Variants in RPTOR observed in about 807,000 individuals in gnomAD.
RPTOR encodes the protein regulatory-associated protein of mTOR.
RPTOR carries 21 observed loss-of-function variants against 169.9 expected under a neutral mutation model. That is an observed-to-expected ratio of 0.12 (90% confidence interval 0.09 to 0.18). RPTOR has a LOEUF of 0.18. Ranked by LOEUF, RPTOR falls within the 10% of genes least tolerant of loss-of-function variation. The probability of loss-of-function intolerance (pLI) is 1.00; values close to 1 mark genes in which losing one functional copy is unlikely to be tolerated. For synonymous variants in RPTOR, 732 were observed against 753.2 expected, an observed-to-expected ratio of 0.97 and a Z score of 0.46; for missense variants, 1,133 against 1,855.9, an observed-to-expected ratio of 0.61 and a Z score of 7.16.
At chr17:80,783,257 T>G (rs1246211427) in intron 6 of RPTOR, among the ~76,000 whole-genome samples, 7 of 152,178 alleles carry the variant, frequency 4.6e-5, no homozygotes, top group African/African-American at 1.7e-4. Context: ...GACACTCTCT[T>G]CCCCCTCTCT....
chr17:80,736,683 G>T (rs2066436430), intron 5 of RPTOR, among the ~76,000 whole-genome samples: 1 of 152,162 alleles, frequency 6.6e-6, no homozygotes, highest in Non-Finnish European at 1.5e-5. Flanking sequence ...TGCTTGGCTG[G>T]CATGGAATTC....
chr17:80,570,115 T>C (rs967397375), intron 1 of RPTOR, among the ~76,000 whole-genome samples: 3 of 152,212 alleles, frequency 2.0e-5, no homozygotes, highest in Middle Eastern at 3.4e-3. Context: ...CTCTCTCTCC[T>C]CAGCTCAGTG....
At position 80,823,396 on chromosome 17, in the gene RPTOR, G is replaced by A; in HGVS notation, c.1136+173G>A. On this transcript the variant is annotated intron_variant, in intron 9 of 33. Transcript: ENST00000306801. This position sits in a 1 kb window ranked among gnomAD's most constrained non-coding sequence, Gnocchi z 4.5. ...CTCCCAGAGATCTCCACACAGAGGA[G>A]TGGGGGTCTCCTTCAGAGGGCAGAA... 1 of 796,588 alleles carries A rather than the reference G, an allele frequency of 1.3e-6. No homozygotes were observed. Among genetic ancestry groups the A allele is most frequent in the Non-Finnish European group, 1.9e-6 (1 of 527,306 alleles). The allele number at this position is 796,588 out of a possible 1,614,324, so 49.3% of individuals were successfully genotyped here. A position where few individuals can be genotyped will look rare whatever the true frequency, so the allele number is the denominator to read the frequency against.
At chr17:80,801,297 C>T (rs117706275) in intron 7 of RPTOR, among the ~76,000 whole-genome samples, 7,615 of 152,174 alleles carry the variant, frequency 0.05, 232 homozygotes, top group South Asian at 0.092. Flanking sequence ...CCCTGGAGCC[C>T]TTCAAGGGTG....
chr17:80,742,623 ACG>A lies in RPTOR; in HGVS notation c.655-11385_655-11384del, dbSNP rs141092392. On this transcript the variant is annotated intron_variant, in intron 5 of 33. Transcript: ENST00000306801. ...ATGCATAGATGCCACACACATACACACGCACATATACATACATGTCCACACAT... is the reference window on the plus strand; with the variant it reads ...ATGCATAGATGCCACACACATACACACACATATACATACATGTCCACACAT... 1.1e-3 allele frequency among the ~76,000 whole-genome samples: 166 copies of A among 152,074 alleles called. No individual in the cohort carries two copies. The Middle Eastern group carries it at 0.014, about 12-fold the overall frequency.
Position 80,947,481 on chromosome 17 carries a change from C to G in RPTOR, c.3265+130C>G. 8.2e-7 allele frequency: 1 copy of G among 1,223,292 alleles called. No individual in the cohort carries two copies. The allele number at this position is 1,223,292 out of a possible 1,614,324, so 75.8% of individuals were successfully genotyped here. A position where few individuals can be genotyped will look rare whatever the true frequency, so the allele number is the denominator to read the frequency against. On this transcript the variant is annotated intron_variant, in intron 27 of 33. Coordinates refer to ENST00000306801, the MANE Select transcript of RPTOR (RefSeq NM_020761.3). This position sits in a 1 kb window ranked among gnomAD's most constrained non-coding sequence, Gnocchi z 4.4. Reference sequence around the variant, plus strand: ...CCTGCTCACACGCGAGGGCCACTGTCATTCAGAAGTGGGGAGGTTTATGAG... The same window carrying G: ...CCTGCTCACACGCGAGGGCCACTGTGATTCAGAAGTGGGGAGGTTTATGAG...
intron 9 of RPTOR, among the ~76,000 whole-genome samples, chr17:80,827,027 C>T (rs2067452148): frequency 6.6e-6 from 1 of 152,216 alleles, no homozygotes; most frequent in Non-Finnish European, 1.5e-5. Context: ...AAGGAAGAGG[C>T]GAGCAGGAGT....
At chr17:80,663,823 G>C (rs2143654849) in intron 3 of RPTOR, among the ~76,000 whole-genome samples, 1 of 151,958 alleles carries the variant, frequency 6.6e-6, no homozygotes, top group Admixed American at 6.6e-5. Context: ...GACTGGTTCT[G>C]TGCGTGTGCG....
intron 20 of RPTOR, among the ~76,000 whole-genome samples, chr17:80,908,363 G>A (rs909414910): frequency 1.3e-5 from 2 of 152,182 alleles, no homozygotes; most frequent in Admixed American, 1.3e-4. Context: ...GTGGAGGTGG[G>A]CAGGAAGCAC....
chr17:80,617,495 C>T (rs1237739305), intron 1 of RPTOR, among the ~76,000 whole-genome samples: 3 of 152,110 alleles, frequency 2.0e-5, no homozygotes, highest in East Asian at 1.9e-4. Context: ...TGCCCTTCAA[C>T]GTGGAATTTT....
In RPTOR at chr17:80,910,694, G is replaced by A. The variant is rs376819725; in HGVS notation, c.2520+1765G>A. Among the ~76,000 whole-genome samples the A allele has an allele frequency of 4.4e-4, 67 of 152,190 alleles. 2 individuals carry two copies. In the East Asian group the frequency reaches 6.9e-3, roughly 16 times the overall value. ...GCCTTCTGGGTCCTGGCCGGCCATC[G>A]AGCCAGGGTTCCTGCAGCTCCTCAG... On this transcript the variant is annotated intron_variant, in intron 21 of 33. Coordinates refer to ENST00000306801, the MANE Select transcript of RPTOR (RefSeq NM_020761.3).
At chr17:80,946,874 A>G (rs1844754750) in intron 26 of RPTOR, among the ~76,000 whole-genome samples, 1 of 152,184 alleles carries the variant, frequency 6.6e-6, no homozygotes, top group Admixed American at 6.5e-5. Flanking sequence ...TGCTCTGTTT[A>G]ATTTTCGGAG....
chr17:80,883,086 G>T (rs76999993), intron 14 of RPTOR, among the ~76,000 whole-genome samples: 33 of 152,346 alleles, frequency 2.2e-4, no homozygotes, highest in African/African-American at 7.7e-4. Flanking sequence ...TGCTGGGCAG[G>T]CTGGGGAGGT....
chr17:80,559,327 GT>G (rs1410606187), intron 1 of RPTOR, among the ~76,000 whole-genome samples: 1 of 152,134 alleles, frequency 6.6e-6, no homozygotes, highest in African/African-American at 2.4e-5. Context: ...CCTTCAAGCC[GT>G]TTCTTGCTGA....
chr17:80,549,997 C>T (rs2084325156), intron 1 of RPTOR, among the ~76,000 whole-genome samples: 1 of 152,202 alleles, frequency 6.6e-6, no homozygotes, highest in Non-Finnish European at 1.5e-5. Context: ...TGCTCTGTAG[C>T]CATACTTTGC....
rs1021334078 is a variant in RPTOR, at chr17:80,625,812, C to T, written c.265+19C>T. ...TGGATCGGTGAGTATGCCTCCCTCA[C>T]GCGCTGCCACAAAGGCCGTCTGGCC... On this transcript the variant is annotated intron_variant, in intron 2 of 33. Transcript: ENST00000306801. The T allele has an allele frequency of 9.6e-6, 15 of 1,555,696 alleles. No homozygotes were observed. Among genetic ancestry groups the T allele is most frequent in the Middle Eastern group, 2.2e-4 (1 of 4,538 alleles).
At chr17:80,786,686 T>C (rs2066995806) in intron 6 of RPTOR, among the ~76,000 whole-genome samples, 1 of 152,208 alleles carries the variant, frequency 6.6e-6, no homozygotes, top group African/African-American at 2.4e-5. Context: ...GTTCGAACAG[T>C]TGGCTGCCTG....
chr17:80,885,667 G>A (rs372891235), intron 17 of RPTOR, among the ~76,000 whole-genome samples: 12 of 151,950 alleles, frequency 7.9e-5, no homozygotes, highest in Admixed American at 4.6e-4. Flanking sequence ...TCAGCCTCCC[G>A]AGTAACTGGG....
chr17:80,582,747 T>C (rs1052189044), intron 1 of RPTOR, among the ~76,000 whole-genome samples: 5 of 151,306 alleles, frequency 3.3e-5, no homozygotes, highest in African/African-American at 1.2e-4. Flanking sequence ...GGTTTCACCA[T>C]GTTGGCCAGG....
Sources: allele counts gnomAD v4.1 joint callset (sites outside exome capture counted in the v4.1 genomes callset), GRCh38; gene constraint gnomAD v4.1.1; non-coding constraint Gnocchi (gnomAD v3.1); transcripts MANE v1.5; gene names NCBI Gene and HGNC (gene_info 2026-07-23, HGNC 2026-07-21).